PTPRG: variants seen among roughly 807,000 people sequenced by gnomAD.
PTPRG encodes receptor-type tyrosine-protein phosphatase gamma.
PTPRG carries 102 observed loss-of-function variants against 165.3 expected under a neutral mutation model. That is an observed-to-expected ratio of 0.62 (90% CI 0.53 to 0.73). The LOEUF is 0.73. Among genes scored for constraint, PTPRG ranks in the 30% least tolerant of loss-of-function variants. PTPRG has a pLI of 0.00. For synonymous variants in PTPRG, 675 were observed against 669.5 expected (o/e 1.01, Z -0.13); for missense variants, 1,866 against 1,861.4 (o/e 1.00, Z -0.05).
At chr3:61,830,566 GTTTTT>G (rs57644199) in intron 2 of PTPRG, among the ~76,000 whole-genome samples, 32,453 of 86,828 alleles carry the variant, frequency 0.37, 3,935 homozygotes, top group East Asian at 0.55. Context: ...TTTTGTTTTT[GTTTTT>G]TTTTTTTTTT....
chr3:61,876,504 T>A (rs1372651348), intron 2 of PTPRG, among the ~76,000 whole-genome samples: 2 of 152,230 alleles, frequency 1.3e-5, no homozygotes, highest in African/African-American at 4.8e-5. Context: ...CAGGGATATA[T>A]TCTTTGTACT....
At chr3:61,660,105 G>C (rs1253054446) in intron 1 of PTPRG, among the ~76,000 whole-genome samples, 1 of 152,096 alleles carries the variant, frequency 6.6e-6, no homozygotes, top group African/African-American at 2.4e-5. Context: ...TGTGCCTGTA[G>C]TCCCAGCTAC....
chr3:61,735,064 G>T (rs1000370723), intron 1 of PTPRG, among the ~76,000 whole-genome samples: 1 of 152,130 alleles, frequency 6.6e-6, no homozygotes, highest in Admixed American at 6.6e-5. Context: ...TCTTCATCAG[G>T]AAAGGACTTT....
chr3:61,895,614 G>A (rs2038334865), intron 2 of PTPRG, among the ~76,000 whole-genome samples: 1 of 152,120 alleles, frequency 6.6e-6, no homozygotes, highest in African/African-American at 2.4e-5. Context: ...CACCAGGAGG[G>A]CATTTTATTT....
chr3:62,222,732 G>C lies in PTPRG; in HGVS notation c.2288+3749G>C, dbSNP rs1396948629. Among the ~76,000 whole-genome samples the C allele has an allele frequency of 1.3e-5, 2 of 152,052 alleles. No individual in the cohort carries two copies. Among genetic ancestry groups the C allele is most frequent in the Non-Finnish European group, 2.9e-5 (2 of 68,020 alleles). On this transcript the variant is annotated intron_variant, in intron 13 of 29. Coordinates refer to ENST00000474889, the MANE Select transcript of PTPRG (RefSeq NM_002841.4). The surrounding 1 kb of genome is among the most constrained non-coding windows in gnomAD (Gnocchi z 4.5). ...CTGTTACTTAAAAAATTATAAAGCT[G>C]TTTCTATTGCATGTGCACTGGAGCC...
At chr3:62,292,623 C>A in intron 29 of PTPRG, 67 bp downstream of exon 29, 1 of 1,547,486 alleles carries the variant, frequency 6.5e-7, no homozygotes, top group Non-Finnish European at 8.8e-7. Context: ...CAGTTTAGAG[C>A]AGTAGTTCTC....
chr3:61,876,434 C>T (rs1432144962), intron 2 of PTPRG, among the ~76,000 whole-genome samples: 4 of 152,170 alleles, frequency 2.6e-5, no homozygotes, highest in Non-Finnish European at 5.9e-5. Flanking sequence ...GTGTCAATTT[C>T]CTGGTTTTGA....
intron 2 of PTPRG, among the ~76,000 whole-genome samples, chr3:61,812,311 T>G (rs1406237404): frequency 6.6e-6 from 1 of 151,626 alleles, no homozygotes; most frequent in East Asian, 1.9e-4. Flanking sequence ...TTCATTCATT[T>G]TGTCAATCCA....
intron 4 of PTPRG, among the ~76,000 whole-genome samples, chr3:62,073,184 A>G (rs141673908): frequency 1.3e-5 from 2 of 152,338 alleles, no homozygotes; most frequent in African/African-American, 2.4e-5. Flanking sequence ...ACTGCAGTGC[A>G]GGGAAAGCAA....
chr3:62,015,163 T>C (rs2041511358), intron 4 of PTPRG, among the ~76,000 whole-genome samples: 1 of 152,240 alleles, frequency 6.6e-6, no homozygotes, highest in African/African-American at 2.4e-5. Flanking sequence ...GCACAGTGTT[T>C]ATTCATTTGG....
chr3:61,564,148 A>G (rs1002304444), intron 1 of PTPRG, among the ~76,000 whole-genome samples: 2 of 152,162 alleles, frequency 1.3e-5, no homozygotes, highest in Non-Finnish European at 2.9e-5. Context: ...GCCTTCATTC[A>G]CTAAAAGATC....
At chr3:61,795,940 G>A (rs1450768085) in intron 2 of PTPRG, among the ~76,000 whole-genome samples, 2 of 152,046 alleles carry the variant, frequency 1.3e-5, no homozygotes, top group Non-Finnish European at 2.9e-5. Flanking sequence ...TTAAATAATT[G>A]AACAGCAGCA....
At chr3:61,989,363 C>G (rs2040831829) in intron 2 of PTPRG, among the ~76,000 whole-genome samples, 1 of 152,188 alleles carries the variant, frequency 6.6e-6, no homozygotes, top group Non-Finnish European at 1.5e-5. Context: ...AATAGCCCTT[C>G]TACACAACTC....
chr3:61,675,145 G>A (rs1703177790), intron 1 of PTPRG, among the ~76,000 whole-genome samples: 2 of 151,990 alleles, frequency 1.3e-5, no homozygotes, highest in Admixed American at 6.6e-5. Context: ...GTAAAAATTG[G>A]CATATGATGT....
At chr3:62,045,044 G>T (rs12489693) in intron 4 of PTPRG, among the ~76,000 whole-genome samples, 15,383 of 152,236 alleles carry the variant, frequency 0.1, 988 homozygotes, top group Admixed American at 0.2. Flanking sequence ...AATGGGGAAG[G>T]GGTGTTGGTG....
intron 1 of PTPRG, among the ~76,000 whole-genome samples, chr3:61,594,851 A>G (rs1341159574): frequency 6.6e-6 from 1 of 152,230 alleles, no homozygotes; most frequent in African/African-American, 2.4e-5. Flanking sequence ...TTGGGGAAAT[A>G]GTTTACAGGA....
intron 5 of PTPRG, among the ~76,000 whole-genome samples, chr3:62,107,928 C>G (rs2106847528): frequency 6.6e-6 from 1 of 152,212 alleles, no homozygotes; most frequent in East Asian, 1.9e-4. Context: ...CACTCTCACT[C>G]AGACTCTAAT....
At chr3:61,680,349 G>C (rs924658235) in intron 1 of PTPRG, among the ~76,000 whole-genome samples, 2 of 152,024 alleles carry the variant, frequency 1.3e-5, no homozygotes, top group African/African-American at 4.8e-5. Context: ...TCATCTCAGG[G>C]TGGCTGGACC....
At chr3:61,869,239 A>C (rs1188224) in intron 2 of PTPRG, among the ~76,000 whole-genome samples, 221 of 152,252 alleles carry the variant, frequency 1.5e-3, no homozygotes, top group African/African-American at 4.4e-3. Flanking sequence ...ATTTCCATGA[A>C]ATTTATAATT....
Sources: gnomAD v4.1 joint callset for allele counts (sites outside exome capture counted in the v4.1 genomes callset) on GRCh38, gnomAD v4.1.1 for gene constraint, Gnocchi (gnomAD v3.1) non-coding constraint, MANE v1.5 for transcripts, NCBI Gene and HGNC (gene_info 2026-07-23, HGNC 2026-07-21) for gene names.